The following KCTD21 variants were observed in gnomAD, a reference collection of about 807,000 sequenced individuals.
KCTD21 encodes BTB/POZ domain-containing protein KCTD21.
A neutral mutation model predicts 13.2 loss-of-function variants in KCTD21; 9 were observed. The ratio of observed to expected loss-of-function variants is 0.68; its 90% CI spans 0.41 to 1.19. KCTD21 has a LOEUF of 1.19. Ranked by LOEUF, KCTD21 falls within the 50% of genes most tolerant of loss-of-function variation. The pLI is 0.01. For missense variants in KCTD21, 303 were observed against 336.5 expected (o/e 0.90, Z 0.78); for synonymous variants, 142 against 137.4 (o/e 1.03, Z -0.23).
At position 78,171,734 on chromosome 11, in the gene KCTD21, T is replaced by C. The variant is rs1207650927; in HGVS notation, c.*2038A>G. On this transcript the variant is annotated 3_prime_UTR_variant, in exon 2 of 2. Transcript: ENST00000340067. Reference sequence around the variant, plus strand: ...GATTCTACTGCCTCAGCCTCCCAAATAGCTGGGGTTATAGGCGCCTGTCAC... The same window carrying C: ...GATTCTACTGCCTCAGCCTCCCAAACAGCTGGGGTTATAGGCGCCTGTCAC... 2.0e-5 allele frequency: 3 copies of C among 152,204 alleles called. No homozygotes were observed. Among genetic ancestry groups the C allele is most frequent in the African/African-American group, 7.2e-5 (3 of 41,454 alleles). The allele number at this position is 152,204 out of a possible 1,614,324, so 9.4% of individuals were successfully genotyped here.
chr11:78,183,507 G>A (rs181480740), intron 1 of KCTD21, among the ~76,000 whole-genome samples: 1 of 151,786 alleles, frequency 6.6e-6, no homozygotes, highest in East Asian at 1.9e-4. Flanking sequence ...CTGCACACCA[G>A]CCAGGGCAAC....
At chr11:78,178,220 G>T (rs1028896078) in intron 1 of KCTD21, among the ~76,000 whole-genome samples, 3 of 151,164 alleles carry the variant, frequency 2.0e-5, no homozygotes, top group African/African-American at 7.3e-5. Context: ...CTGCCTCCCA[G>T]ATTCAAGCGA....
intron 1 of KCTD21, chr11:78,187,506 G>A: frequency 1.0e-6 from 1 of 985,346 alleles, no homozygotes; most frequent in Non-Finnish European, 1.2e-6. Context: ...CTTTCATCTG[G>A]CGTAGACCTC....
intron 1 of KCTD21, among the ~76,000 whole-genome samples, chr11:78,183,306 C>T (rs61881808): frequency 0.024 from 3,615 of 152,178 alleles, 84 homozygotes; most frequent in Non-Finnish European, 0.033. Context: ...GAGGCCGAGG[C>T]GGGCGGATCA....
At chr11:78,185,360 T>C (rs990462408) in intron 1 of KCTD21, among the ~76,000 whole-genome samples, 23 of 152,200 alleles carry the variant, frequency 1.5e-4, no homozygotes, top group African/African-American at 4.8e-4. Context: ...ATAGGGCCAA[T>C]AGATGTAAAG....
intron 1 of KCTD21, among the ~76,000 whole-genome samples, chr11:78,185,283 C>G (rs1157797325): frequency 6.6e-6 from 1 of 151,964 alleles, no homozygotes; most frequent in African/African-American, 2.4e-5. Context: ...GTACTTTAAG[C>G]TTTTATGTAA....
intron 1 of KCTD21, among the ~76,000 whole-genome samples, chr11:78,182,816 C>T (rs1862668811): frequency 1.3e-5 from 2 of 152,184 alleles, no homozygotes; most frequent in Non-Finnish European, 1.5e-5. Context: ...TCCTAGCCAA[C>T]AGTCTGTATA....
chr11:78,184,463 A>T (rs1862715526), intron 1 of KCTD21, among the ~76,000 whole-genome samples: 1 of 151,494 alleles, frequency 6.6e-6, no homozygotes, highest in African/African-American at 2.4e-5. Flanking sequence ...CAGCCTCCTG[A>T]GTAGCTGGGA....
At chr11:78,186,371 C>CAAAAAAAAAAAAAAAAA (rs57748403) in intron 1 of KCTD21, among the ~76,000 whole-genome samples, 7 of 45,808 alleles carry the variant, frequency 1.5e-4, no homozygotes, top group African/African-American at 3.4e-4. Context: ...GACCCTGTCT[C>CAAAAAAAAAAAAAAAAA]AAAAAAAAAA....
chr11:78,188,098 C>T lies in KCTD21; in HGVS notation c.-30+475G>A, dbSNP rs980952863. 3.2e-5 allele frequency: 32 copies of T among 985,298 alleles called. 1 individual carries two copies. The African/African-American group carries it at 5.1e-4, about 16-fold the overall frequency. The allele number at this position is 985,298 out of a possible 1,614,324, so 61.0% of individuals were successfully genotyped here. On this transcript the variant is annotated intron_variant, in intron 1 of 1. Transcript: ENST00000340067. ...GCCCACGCCGCCACAGCGCGGCCGG[C>T]CCAGGGCTCTCCAGAGCGGGGCAAG... is the stretch of plus-strand genomic sequence containing the variant.
At chr11:78,184,939 T>C (rs1479433396) in intron 1 of KCTD21, among the ~76,000 whole-genome samples, 2 of 152,168 alleles carry the variant, frequency 1.3e-5, no homozygotes, top group Non-Finnish European at 2.9e-5. Context: ...GGTTTCACTA[T>C]GTTGCCCAGG....
rs150064795 is a variant in KCTD21, at chr11:78,187,640, A to G, written c.-30+933T>C. 6.5e-4 allele frequency: 640 copies of G among 985,290 alleles called. 3 individuals are homozygous for G. The African/African-American group carries it at 8.4e-3, about 13-fold the overall frequency. The allele number at this position is 985,290 out of a possible 1,614,324, so 61.0% of individuals were successfully genotyped here. ...CCCCATTTCAAACCGCTCTCTTCCT[A>G]TGTCTCCTCCAAACAGTAATTTATA... On this transcript the variant is annotated intron_variant, in intron 1 of 1. Transcript: ENST00000340067.
Position 78,172,416 on chromosome 11 carries a change from G to C in KCTD21, c.*1356C>G, listed in dbSNP as rs1862304566. 2 of 152,256 alleles carry C rather than the reference G, an allele frequency of 1.3e-5. No individual in the cohort carries two copies. Among genetic ancestry groups the C allele is most frequent in the South Asian group, 2.1e-4 (1 of 4,830 alleles). The allele number at this position is 152,256 out of a possible 1,614,324, so 9.4% of individuals were successfully genotyped here. A position where few individuals can be genotyped will look rare whatever the true frequency, so the allele number is the denominator to read the frequency against. ...TCCTCTGGATCTCCTCAGGGGCCGT[G>C]AATCTTCCTCTTCCAGCAGAAAATG... On this transcript the variant is annotated 3_prime_UTR_variant, in exon 2 of 2. Coordinates refer to ENST00000340067, the MANE Select transcript of KCTD21 (RefSeq NM_001029859.3).
intron 1 of KCTD21, among the ~76,000 whole-genome samples, chr11:78,181,884 G>A (rs775760637): frequency 1.3e-5 from 2 of 152,164 alleles, no homozygotes; most frequent in Non-Finnish European, 2.9e-5. Flanking sequence ...CATCAATACA[G>A]TTAAGTGGGT....
At chr11:78,186,721 A>G (rs1862785581) in intron 1 of KCTD21, 1 of 985,494 alleles carries the variant, frequency 1.0e-6, no homozygotes, top group Non-Finnish European at 1.2e-6. Flanking sequence ...GACTTCTGCA[A>G]TTTGGCATCT....
intron 1 of KCTD21, among the ~76,000 whole-genome samples, chr11:78,179,828 G>A (rs669010): frequency 0.16 from 24,065 of 151,994 alleles, 2,008 homozygotes; most frequent in African/African-American, 0.2. Flanking sequence ...CCCAGCCTAT[G>A]AGTCATCACC....
intron 1 of KCTD21, among the ~76,000 whole-genome samples, chr11:78,181,840 A>C (rs1862631096): frequency 6.6e-6 from 1 of 152,240 alleles, no homozygotes. Flanking sequence ...AACAGGAAAA[A>C]AAATGAAGGT....
At chr11:78,182,102 A>G (rs1044181663) in intron 1 of KCTD21, among the ~76,000 whole-genome samples, 1 of 152,232 alleles carries the variant, frequency 6.6e-6, no homozygotes, top group African/African-American at 2.4e-5. Flanking sequence ...TGATATAATA[A>G]GCAATATACA....
chr11:78,175,185 T>C (rs2136991749), intron 1 of KCTD21: 1 of 152,082 alleles, frequency 6.6e-6, no homozygotes, highest in African/African-American at 2.4e-5. Context: ...TAGCTGGGCA[T>C]GGTGGTGGGT....
Sources: allele counts gnomAD v4.1 joint callset (sites outside exome capture counted in the v4.1 genomes callset), GRCh38; gene constraint gnomAD v4.1.1; transcripts MANE v1.5; gene names NCBI Gene and HGNC (gene_info 2026-07-23, HGNC 2026-07-21).